The following SDF2 variants were observed in gnomAD, a reference collection of about 807,000 sequenced individuals.
SDF2 encodes stromal cell derived factor 2.
SDF2 carries 12 observed loss-of-function variants against 20.5 expected under a neutral mutation model. The ratio of observed to expected loss-of-function variants is 0.58; its 90% CI spans 0.37 to 0.95. The LOEUF is 0.95. Ranked by LOEUF, SDF2 falls within the 40% of genes least tolerant of loss-of-function variation. The probability of loss-of-function intolerance (pLI) is 0.01; values close to 1 mark genes in which losing one functional copy is unlikely to be tolerated. For synonymous variants in SDF2, 100 were observed against 101.0 expected, an observed-to-expected ratio of 0.99 and a Z score of 0.06; for missense variants, 238 against 263.1, an observed-to-expected ratio of 0.90 and a Z score of 0.66.
chr17:28,652,179 C>T (rs898725216), intron 2 of SDF2, among the ~76,000 whole-genome samples: 7 of 148,478 alleles, frequency 4.7e-5, no homozygotes, highest in Admixed American at 1.3e-4. Context: ...AAGAACCCAT[C>T]TTAAAAAAAA....
intron 2 of SDF2, among the ~76,000 whole-genome samples, chr17:28,650,022 G>A (rs187672830): frequency 4.0e-5 from 6 of 151,800 alleles, no homozygotes; most frequent in East Asian, 1.9e-4. Flanking sequence ...GCGCAATCTC[G>A]GCTCACCACA....
chr17:28,655,533 T>G, intron 1 of SDF2, 50 bp from the exon 2 acceptor site: 1 of 1,492,426 alleles, frequency 6.7e-7, no homozygotes, highest in Non-Finnish European at 9.1e-7. Flanking sequence ...ATGGACAACA[T>G]GCTCAGAGAC....
upstream of SDF2, chr17:28,661,957 G>C: frequency 1.3e-6 from 2 of 1,509,916 alleles, no homozygotes; most frequent in South Asian, 1.2e-5. Context: ...CGAAACCACG[G>C]AGAGAAGGAA....
chr17:28,654,348 C>T (rs2071937881), intron 2 of SDF2, among the ~76,000 whole-genome samples: 1 of 148,510 alleles, frequency 6.7e-6, no homozygotes, highest in Admixed American at 6.7e-5. Context: ...AACTAGTTAG[C>T]ATCATTAAAA....
At chr17:28,649,431 G>A (rs1223526179) in intron 2 of SDF2, among the ~76,000 whole-genome samples, 155 bp from the exon 3 acceptor site, 2 of 152,188 alleles carry the variant, frequency 1.3e-5, no homozygotes, top group South Asian at 2.1e-4. Flanking sequence ...AGCTGAGCAG[G>A]GCAGATCACT....
intron 2 of SDF2, chr17:28,651,383 CT>C (rs896760243): frequency 3.9e-5 from 6 of 152,166 alleles, no homozygotes; most frequent in African/African-American, 1.4e-4. Context: ...CTTTATATCT[CT>C]TGTTATTTGA....
chr17:28,658,828 CACAGCGGCCAG>C (rs1476349815), intron 1 of SDF2, among the ~76,000 whole-genome samples: 1 of 152,214 alleles, frequency 6.6e-6, no homozygotes, highest in Non-Finnish European at 1.5e-5. Flanking sequence ...TGGAAGACTG[CACAGCGGCCAG>C]GCAGAGGCGC....
rs553371192 is a variant in SDF2 at position 28,659,341 on chromosome 17, G to A, written c.151+2385C>T. Among the ~76,000 whole-genome samples, 436 of 137,454 alleles carry A rather than the reference G, an allele frequency of 3.2e-3. 3 individuals carry two copies. Among genetic ancestry groups the A allele is most frequent in the African/African-American group, 0.011 (398 of 35,606 alleles). The allele number at this position is 137,454 out of a possible 152,430, so 90.2% of individuals were successfully genotyped here. A position where few individuals can be genotyped will look rare whatever the true frequency, so the allele number is the denominator to read the frequency against. On this transcript the variant is annotated intron_variant, in intron 1 of 2. Transcript: ENST00000247020. ...CCAGACAGGGCGGCCGGGCAGAGGC[G>A]CTCCCCACTTCCCAGACGGGGCAGC... is the stretch of plus-strand genomic sequence containing the variant.
upstream of SDF2, chr17:28,662,009 G>T: frequency 1.9e-6 from 2 of 1,073,590 alleles, no homozygotes; most frequent in Non-Finnish European, 2.6e-6. Flanking sequence ...TATTTGACTA[G>T]AGCGGCCTGA....
intron 1 of SDF2, 122 bp downstream of exon 1, chr17:28,661,604 G>A: frequency 6.7e-6 from 7 of 1,050,274 alleles, no homozygotes; most frequent in Non-Finnish European, 9.8e-6. Context: ...CTCTAGACCT[G>A]AGGAACCTTC....
intron 1 of SDF2, 102 bp from the exon 2 acceptor site, chr17:28,655,585 C>T (rs958712189): frequency 5.0e-6 from 5 of 1,000,216 alleles, no homozygotes; most frequent in Non-Finnish European, 7.5e-6. Flanking sequence ...ACCTGTAACC[C>T]ACCACCATGA....
At chr17:28,657,333 G>A (rs541182728) in intron 1 of SDF2, among the ~76,000 whole-genome samples, 1 of 152,232 alleles carries the variant, frequency 6.6e-6, no homozygotes, top group South Asian at 2.1e-4. Context: ...GATCCCTTGA[G>A]TCCAGGAGTT....
upstream of SDF2, chr17:28,662,027 G>A: frequency 2.4e-6 from 2 of 840,238 alleles, no homozygotes; most frequent in South Asian, 1.8e-5. Context: ...TGAGAAACCG[G>A]CTGAGCCTGG....
In SDF2 at chr17:28,649,211, A is replaced by G. The variant is rs1243524021; in HGVS notation, c.414T>C (p.Asn138=). ...DYLDDWTVLC[N]GPYWVRDGEV... ...CACCATCTCTCACCCAGTAGGGTCC[A>G]TTACAGAGCACTGTCCAGTCATCCA... is the stretch of plus-strand genomic sequence containing the variant. The change falls in exon 3 of 3, where the codon AAT becomes AAC. Residue 138 remains asparagine (N), a synonymous_variant. Transcript: ENST00000247020. 3.7e-6 allele frequency: 6 copies of G among 1,614,114 alleles called. No individual in the cohort carries two copies. The highest frequency in any genetic ancestry group is 5.1e-6 in the Non-Finnish European group (6 of 1,180,040).
intron 2 of SDF2, among the ~76,000 whole-genome samples, chr17:28,650,837 AG>A (rs2071909067): frequency 7.1e-6 from 1 of 141,830 alleles, no homozygotes; most frequent in Non-Finnish European, 1.5e-5. Flanking sequence ...AAAAACAGTT[AG>A]GGTATCTTGC....
At chr17:28,655,243 C>T (rs1166133448) in intron 2 of SDF2, 44 bp downstream of exon 2, 6 of 1,571,816 alleles carry the variant, frequency 3.8e-6, no homozygotes, top group African/African-American at 2.7e-5. Context: ...CAAGCACCCA[C>T]TGAGTAATGC....
intron 1 of SDF2, among the ~76,000 whole-genome samples, chr17:28,658,974 G>A (rs1311100118): frequency 6.8e-6 from 1 of 146,154 alleles, no homozygotes; most frequent in Non-Finnish European, 1.5e-5. Flanking sequence ...TCACATCCCA[G>A]ACGATGGGAG....
upstream of SDF2, chr17:28,662,130 C>T: frequency 2.5e-6 from 1 of 406,508 alleles, no homozygotes; most frequent in Non-Finnish European, 4.5e-6. Flanking sequence ...GAGACGAAAG[C>T]TTCCGAGAGC....
intron 2 of SDF2, among the ~76,000 whole-genome samples, chr17:28,652,391 A>C (rs917977760): frequency 6.6e-6 from 1 of 151,992 alleles, no homozygotes. Context: ...GCTCACTGCA[A>C]CCTCCGCCTC....
Sources: gnomAD v4.1 joint callset for allele counts (sites outside exome capture counted in the v4.1 genomes callset) on GRCh38, gnomAD v4.1.1 for gene constraint, MANE v1.5 for transcripts, NCBI Gene and HGNC (gene_info 2026-07-23, HGNC 2026-07-21) for gene names.